Variants in EGFR observed in about 807,000 individuals in gnomAD.
The protein encoded by EGFR is avian erythroblastic leukemia viral (v-erb-b) oncogene homolog.
EGFR carries 58 observed loss-of-function variants against 143.0 expected under a neutral mutation model. The observed-to-expected ratio is 0.41, with a 90% confidence interval of 0.33 to 0.50. The LOEUF is 0.50. EGFR is among the 20% of genes least tolerant of loss of function. The pLI is 0.39. For synonymous variants in EGFR, 613 were observed against 594.4 expected, an observed-to-expected ratio of 1.03 and a Z score of -0.45; for missense variants, 1,307 against 1,579.0, an observed-to-expected ratio of 0.83 and a Z score of 2.92.
intron 1 of EGFR, among the ~76,000 whole-genome samples, chr7:55,086,318 T>G (rs531078784): frequency 8.1e-4 from 124 of 152,148 alleles, no homozygotes; most frequent in Non-Finnish European, 1.3e-3. Context: ...TTATATAAGA[T>G]AGTCTATGGT....
intron 1 of EGFR, among the ~76,000 whole-genome samples, chr7:55,027,692 T>G (rs1326083390): frequency 6.6e-6 from 1 of 152,132 alleles, no homozygotes; most frequent in African/African-American, 2.4e-5. Flanking sequence ...ATCCTTTAAC[T>G]CTTCCTACAG....
chr7:55,019,781 A>G (rs1481933041), intron 1 of EGFR, among the ~76,000 whole-genome samples: 4 of 152,032 alleles, frequency 2.6e-5, no homozygotes, highest in Non-Finnish European at 4.4e-5. Flanking sequence ...CCAGGGCGCG[A>G]CGGGGTCCTG....
At chr7:55,061,622 G>GTT (rs1247372476) in intron 1 of EGFR, among the ~76,000 whole-genome samples, 1 of 127,848 alleles carries the variant, frequency 7.8e-6, no homozygotes, top group Non-Finnish European at 1.7e-5. Context: ...ATGTGTGTGT[G>GTT]TGTGTGTGTG....
At chr7:55,030,677 A>G (rs1787196856) in intron 1 of EGFR, among the ~76,000 whole-genome samples, 1 of 152,242 alleles carries the variant, frequency 6.6e-6, no homozygotes, top group Non-Finnish European at 1.5e-5. Context: ...CATTTCTATG[A>G]TTTAAATGAA....
intron 1 of EGFR, among the ~76,000 whole-genome samples, chr7:55,031,527 T>A (rs1418668216): frequency 1.4e-5 from 2 of 145,928 alleles, no homozygotes; most frequent in Non-Finnish European, 3.0e-5. Context: ...GGGAGAGAGT[T>A]GAATGAGAAA....
In EGFR at chr7:55,038,117, G is replaced by T. The variant is rs181059799; in HGVS notation, c.88+18752G>T. Among the ~76,000 whole-genome samples, 106 of 152,034 alleles carry T rather than the reference G, an allele frequency of 7.0e-4. 2 individuals carry two copies. The East Asian group carries it at 0.017, about 24-fold the overall frequency. On this transcript the variant is annotated intron_variant, in intron 1 of 27. Transcript: ENST00000275493. ...AGCCATAGAAGGGAGATAGGAAAGC[G>T]GGGGGGTGGAGCCACAGTACATTCA...
At chr7:55,162,906 T>C (rs2128944020) in intron 13 of EGFR, among the ~76,000 whole-genome samples, 1 of 152,358 alleles carries the variant, frequency 6.6e-6, no homozygotes, top group South Asian at 2.1e-4. Context: ...TTCTCCTGCC[T>C]CAGCCTCCCA....
chr7:55,188,694 C>A (rs1162887261), intron 20 of EGFR, among the ~76,000 whole-genome samples: 2 of 152,176 alleles, frequency 1.3e-5, no homozygotes, highest in African/African-American at 4.8e-5. Context: ...CAGCTCTTAT[C>A]TTTGGGGACC....
rs572732621 is a variant in EGFR, at chr7:55,117,260, T to G, written c.89-25026T>G. Among the ~76,000 whole-genome samples the G allele has an allele frequency of 2.0e-5, 3 of 152,336 alleles. No individual in the cohort carries two copies. In the South Asian group the frequency reaches 6.2e-4, roughly 32 times the overall value. ...TAGTTTATAAAGTGGAATAGAGATG[T>G]GGGTAAAAGTTGTCTTGCCACCTTT... On this transcript the variant is annotated intron_variant, in intron 1 of 27. Transcript: ENST00000275493.
intron 1 of EGFR, among the ~76,000 whole-genome samples, chr7:55,121,107 A>G (rs1464926066): frequency 6.6e-6 from 1 of 152,204 alleles, no homozygotes; most frequent in Non-Finnish European, 1.5e-5. Context: ...AGTGTGTCAT[A>G]CTGTGCAGGG....
At chr7:55,178,387 T>C (rs947126586) in intron 19 of EGFR, among the ~76,000 whole-genome samples, 1 of 152,212 alleles carries the variant, frequency 6.6e-6, no homozygotes, top group Non-Finnish European at 1.5e-5. Context: ...GTGTACTGTG[T>C]GTGTGTCTCC....
At chr7:55,152,704 G>A (rs1307877112) in intron 6 of EGFR, 40 bp downstream of exon 6, 7 of 1,563,624 alleles carry the variant, frequency 4.5e-6, no homozygotes, top group Non-Finnish European at 6.2e-6. Context: ...AGCAGGCTGG[G>A]GCTGCACCCG....
intron 23 of EGFR, among the ~76,000 whole-genome samples, chr7:55,199,502 G>A (rs1332878531): frequency 2.0e-5 from 3 of 152,202 alleles, no homozygotes; most frequent in Non-Finnish European, 4.4e-5. Flanking sequence ...CTGAACTCTA[G>A]GCCACAGAGT....
At chr7:55,118,584 C>T (rs1247995911) in intron 1 of EGFR, among the ~76,000 whole-genome samples, 1 of 152,186 alleles carries the variant, frequency 6.6e-6, no homozygotes, top group Non-Finnish European at 1.5e-5. Flanking sequence ...TGTCAGGCCA[C>T]CACTGGGCAC....
chr7:55,196,528 A>C, intron 22 of EGFR, among the ~76,000 whole-genome samples: 1 of 152,050 alleles, frequency 6.6e-6, no homozygotes, highest in East Asian at 1.9e-4. Flanking sequence ...GTTTAGTTAG[A>C]TCCCATTTGT....
intron 11 of EGFR, among the ~76,000 whole-genome samples, chr7:55,158,437 G>A (rs975388374): frequency 6.6e-6 from 1 of 152,172 alleles, no homozygotes; most frequent in Non-Finnish European, 1.5e-5. Flanking sequence ...ACATTAAAGA[G>A]AATAAGAGTG....
chr7:55,089,209 A>G (rs1462708398), intron 1 of EGFR, among the ~76,000 whole-genome samples: 1 of 152,100 alleles, frequency 6.6e-6, no homozygotes, highest in Non-Finnish European at 1.5e-5. Flanking sequence ...AAGTACGTGT[A>G]AGTCAGCCTA....
At chr7:55,167,701 A>C (rs1044683422) in intron 15 of EGFR, among the ~76,000 whole-genome samples, 2 of 151,976 alleles carry the variant, frequency 1.3e-5, no homozygotes, top group Non-Finnish European at 2.9e-5. Flanking sequence ...GGTGGCGATG[A>C]TGGTGGTGAG....
At chr7:55,113,854 G>A (rs997027094) in intron 1 of EGFR, among the ~76,000 whole-genome samples, 1 of 152,164 alleles carries the variant, frequency 6.6e-6, no homozygotes, top group Admixed American at 6.5e-5. Context: ...TAGAAAGTAG[G>A]TGCCTGCCTT....
Sources: gnomAD v4.1 joint callset for allele counts (sites outside exome capture counted in the v4.1 genomes callset) on GRCh38, gnomAD v4.1.1 for gene constraint, MANE v1.5 for transcripts, NCBI Gene and HGNC (gene_info 2026-07-23, HGNC 2026-07-21) for gene names.